SMIM35: variants seen among roughly 807,000 people sequenced by gnomAD.
SMIM35 encodes TMPRSS4 antisense RNA 1 (non-protein coding).
At chr11:118,018,377 G>T (rs2058200664) in intron 1 of SMIM35, among the ~76,000 whole-genome samples, 1 of 152,118 alleles carries the variant, frequency 6.6e-6, no homozygotes, top group Non-Finnish European at 1.5e-5. Context: ...GGAGAAGGGG[G>T]ACCAGTCAGG....
chr11:118,005,285 C>T lies in SMIM35; in HGVS notation c.*1125G>A, dbSNP rs1014047081. 1 of 152,200 alleles carries T rather than the reference C, an allele frequency of 6.6e-6. No homozygotes were observed. Among genetic ancestry groups the T allele is most frequent in the Non-Finnish European group, 1.5e-5 (1 of 68,034 alleles). The allele number at this position is 152,200 out of a possible 1,614,324, so 9.4% of individuals were successfully genotyped here. A position where few individuals can be genotyped will look rare whatever the true frequency, so the allele number is the denominator to read the frequency against. On this transcript the variant is annotated 3_prime_UTR_variant, in exon 5 of 5. Transcript: ENST00000689828. ...TATAGCGACCACATTGCAGGTGATT[C>T]CAGCACACACTGAGTCACCTCTTTA...
intron 1 of SMIM35, among the ~76,000 whole-genome samples, chr11:118,048,429 C>T (rs1446857163): frequency 6.6e-6 from 1 of 152,020 alleles, no homozygotes; most frequent in Non-Finnish European, 1.5e-5. Context: ...ACGAGAATCA[C>T]CTGAAGCTGG....
Position 118,085,226 on chromosome 11 carries a change from C to T in SMIM35, c.7+1525G>A, listed in dbSNP as rs867589477. Among the ~76,000 whole-genome samples, 790 of 141,868 alleles carry T rather than the reference C, an allele frequency of 5.6e-3. 8 individuals are homozygous for T. The highest frequency in any genetic ancestry group is 0.018 in the African/African-American group (693 of 38,566). The allele number at this position is 141,868 out of a possible 152,430, so 93.1% of individuals were successfully genotyped here. A position where few individuals can be genotyped will look rare whatever the true frequency, so the allele number is the denominator to read the frequency against. On this transcript the variant is annotated intron_variant, in intron 1 of 4. Coordinates refer to ENST00000689828, the MANE Select transcript of SMIM35 (RefSeq NM_001394165.1). ...GATGGAGGAGTCAGATCTTCTTCTT[C>T]TTTTTTTTTTTTTTTGAGACAGAGT...
At chr11:118,046,573 T>A (rs1310208128) in intron 1 of SMIM35, among the ~76,000 whole-genome samples, 3 of 152,332 alleles carry the variant, frequency 2.0e-5, no homozygotes, top group Middle Eastern at 3.4e-3. Flanking sequence ...CTGAGCCAAG[T>A]TGTCCCTCCA....
rs918000169 is a variant in SMIM35 at position 118,076,587 on chromosome 11, A to G, written c.7+10164T>C. Among the ~76,000 whole-genome samples the G allele has an allele frequency of 8.5e-5, 13 of 152,252 alleles. No homozygotes were observed. In the East Asian group the frequency reaches 1.7e-3, roughly 20 times the overall value. ...AGGCAGGGGCAGGAAGCACTAGTAC[A>G]TTGGCTCTGTGCAGGACAGCTTCAC... On this transcript the variant is annotated intron_variant, in intron 1 of 4. Coordinates refer to ENST00000689828, the MANE Select transcript of SMIM35 (RefSeq NM_001394165.1).
At chr11:118,066,676 C>T (rs1431787149) in intron 1 of SMIM35, among the ~76,000 whole-genome samples, 1 of 152,050 alleles carries the variant, frequency 6.6e-6, no homozygotes, top group Non-Finnish European at 1.5e-5. Flanking sequence ...GACTATACTT[C>T]AAATTATCTT....
At chr11:118,049,509 C>T (rs569572650) in intron 1 of SMIM35, among the ~76,000 whole-genome samples, 11 of 151,676 alleles carry the variant, frequency 7.3e-5, no homozygotes, top group South Asian at 4.2e-4. Context: ...CCACCACGCC[C>T]GGCTAATTTT....
chr11:118,062,752 C>T (rs1336419281), intron 1 of SMIM35, among the ~76,000 whole-genome samples: 2 of 152,288 alleles, frequency 1.3e-5, no homozygotes, highest in Non-Finnish European at 2.9e-5. Context: ...TTTTCTCTCT[C>T]TCTTAATTCT....
intron 1 of SMIM35, among the ~76,000 whole-genome samples, chr11:118,043,400 T>G (rs1212906381): frequency 6.6e-6 from 1 of 152,152 alleles, no homozygotes; most frequent in East Asian, 1.9e-4. Flanking sequence ...ACATGCCACT[T>G]GAATGAACCT....
At chr11:118,037,857 G>A (rs894934017) in intron 1 of SMIM35, among the ~76,000 whole-genome samples, 1 of 152,180 alleles carries the variant, frequency 6.6e-6, no homozygotes, top group Non-Finnish European at 1.5e-5. Context: ...CTTTCATCTA[G>A]AAAGAAGCTG....
chr11:118,009,771 G>A (rs977990589), intron 4 of SMIM35, among the ~76,000 whole-genome samples: 1 of 151,572 alleles, frequency 6.6e-6, no homozygotes, highest in Admixed American at 6.6e-5. Context: ...CTCTCCTACA[G>A]GTAAGAACCA....
At chr11:118,033,352 CT>C (rs60729243) in intron 1 of SMIM35, among the ~76,000 whole-genome samples, 5,671 of 152,236 alleles carry the variant, frequency 0.037, 188 homozygotes, top group East Asian at 0.19. Context: ...CTGTGGAATA[CT>C]TTTTAAAATC....
intron 1 of SMIM35, among the ~76,000 whole-genome samples, chr11:118,061,920 C>G (rs1233597881): frequency 6.6e-6 from 1 of 152,226 alleles, no homozygotes; most frequent in East Asian, 1.9e-4. Flanking sequence ...CCACCTACCA[C>G]ATGGGGCAGA....
intron 1 of SMIM35, among the ~76,000 whole-genome samples, chr11:118,035,691 C>T (rs79791963): frequency 2.0e-5 from 3 of 152,072 alleles, no homozygotes; most frequent in African/African-American, 7.2e-5. Flanking sequence ...TGGAGACTCA[C>T]ACAGTGCTCC....
intron 1 of SMIM35, among the ~76,000 whole-genome samples, chr11:118,019,791 G>T (rs1025707504): frequency 2.6e-5 from 4 of 151,846 alleles, no homozygotes; most frequent in African/African-American, 9.7e-5. Flanking sequence ...TTTTTGTATG[G>T]AAATTAATTT....
chr11:118,014,421 G>GATGA (rs2058167243), intron 3 of SMIM35, among the ~76,000 whole-genome samples: 2 of 143,478 alleles, frequency 1.4e-5, no homozygotes, highest in Non-Finnish European at 3.0e-5. Flanking sequence ...TGGATGGATG[G>GATGA]ATGGATGGAT....
chr11:118,054,938 G>T (rs1944287183), intron 1 of SMIM35, among the ~76,000 whole-genome samples: 1 of 151,728 alleles, frequency 6.6e-6, no homozygotes, highest in Non-Finnish European at 1.5e-5. Flanking sequence ...TGAGAAGCTG[G>T]GATTACAGGT....
At chr11:118,035,097 A>G (rs911284255) in intron 1 of SMIM35, among the ~76,000 whole-genome samples, 6 of 151,740 alleles carry the variant, frequency 4.0e-5, no homozygotes, top group Non-Finnish European at 8.8e-5. Context: ...GACCGTAGGC[A>G]TCCGCCATTG....
intron 4 of SMIM35, among the ~76,000 whole-genome samples, chr11:118,012,426 T>C (rs1468473610): frequency 1.3e-5 from 2 of 152,206 alleles, no homozygotes; most frequent in Non-Finnish European, 2.9e-5. Flanking sequence ...GTGCATTATC[T>C]GGTTTGTTCA....
Sources: gnomAD v4.1 joint callset for allele counts (sites outside exome capture counted in the v4.1 genomes callset) on GRCh38, gnomAD v4.1.1 for gene constraint, MANE v1.5 for transcripts, NCBI Gene and HGNC (gene_info 2026-07-23, HGNC 2026-07-21) for gene names.